Variants in TMEM98 observed in about 807,000 individuals in gnomAD.
The protein encoded by TMEM98 is transmembrane protein 98.
In TMEM98, 18 loss-of-function variants were observed where a neutral mutation model predicts 25.0. The ratio of observed to expected loss-of-function variants is 0.72; its 90% CI spans 0.50 to 1.07. The LOEUF is 1.07. TMEM98 is among the 50% of genes least tolerant of loss of function. The probability of loss-of-function intolerance (pLI) is 0.00; values close to 1 mark genes in which losing one functional copy is unlikely to be tolerated. For synonymous variants in TMEM98, 103 were observed against 112.4 expected (o/e 0.92, Z 0.53); for missense variants, 241 against 289.0 (o/e 0.83, Z 1.20).
chr17:32,935,747 GGGGTGGCCAGCTCTGT>G (rs371127656), intron 5 of TMEM98, among the ~76,000 whole-genome samples: 1 of 152,162 alleles, frequency 6.6e-6, no homozygotes, highest in African/African-American at 2.4e-5. Context: ...AGCAAGCTCT[GGGGTGGCCAGCTCTGT>G]GGGTGGGACC....
At chr17:32,932,051 T>C (rs2151111270) in intron 3 of TMEM98, among the ~76,000 whole-genome samples, 1 of 152,208 alleles carries the variant, frequency 6.6e-6, no homozygotes, top group East Asian at 1.9e-4. Context: ...CATTTGGTTT[T>C]GTGAAATCCC....
rs749146545 is a variant in TMEM98, at chr17:32,936,332, A to G, written c.298A>G (p.Ile100Val). 11 of 1,613,750 alleles carry G rather than the reference A, an allele frequency of 6.8e-6. No individual in the cohort carries two copies. Among genetic ancestry groups the G allele is most frequent in the Non-Finnish European group, 8.5e-6 (10 of 1,179,762 alleles). The part of the protein sequence containing the change: ...LMSHCIAILK[I>V]CHTLTEKLVA... ...ATCTCTCTCCTCCCTGCCGCATTAG[A>G]TTTGTCACACTCTGACAGAGAAGCT... Residue 100 changes from isoleucine to valine, a missense_variant and splice_region_variant, in exon 6 of 8, where the codon ATT becomes GTT. Ile to Val is a conservative substitution (Grantham distance 29). Coordinates refer to ENST00000579849, the MANE Select transcript of TMEM98 (RefSeq NM_015544.3).
rs937219646 is a variant in TMEM98 at position 32,931,574 on chromosome 17, T to A, written c.46T>A (p.Phe16Ile). ...TGCCATAGGTGTGCTGGCCACCATC[T>A]TTCTGGCTTCGTTTGCAGCCTTGGT... Reference protein sequence around the residue: ...IVAIGVLATIFLASFAALVLV... With the variant: ...IVAIGVLATIILASFAALVLV... The change falls in exon 3 of 8, where the codon TTT (phenylalanine) becomes ATT (isoleucine). Residue 16 changes from phenylalanine to isoleucine, a missense_variant. Phe to Ile is a conservative substitution (Grantham distance 21). Transcript: ENST00000579849. 1.2e-6 allele frequency: 2 copies of A among 1,605,008 alleles called. No homozygotes were observed. Among genetic ancestry groups the A allele is most frequent in the African/African-American group, 2.7e-5 (2 of 74,840 alleles).
rs746642948 is a variant in TMEM98, at chr17:32,942,121, T to C, written c.*1128T>C. On this transcript the variant is annotated 3_prime_UTR_variant, in exon 8 of 8. Coordinates refer to ENST00000579849, the MANE Select transcript of TMEM98 (RefSeq NM_015544.3). ...AGTGAAGATAGCACTATGAAGTAGT[T>C]TCCACATTAACAATAGCAATGACTT... The C allele has an allele frequency of 3.3e-5, 5 of 152,214 alleles. No homozygotes were observed. The highest frequency in any genetic ancestry group is 5.9e-5 in the Non-Finnish European group (4 of 68,042). 9.4% of individuals were successfully genotyped at this position (152,214 alleles called of 1,614,324 possible). A position where few individuals can be genotyped will look rare whatever the true frequency, so the allele number is the denominator to read the frequency against.
chr17:32,929,351 A>T (rs927758137), intron 1 of TMEM98, among the ~76,000 whole-genome samples: 8 of 152,290 alleles, frequency 5.3e-5, no homozygotes, highest in African/African-American at 1.9e-4. Context: ...AGAAACACTC[A>T]GAACGCACAG....
chr17:32,931,742 A>G (rs1201829522), intron 3 of TMEM98, 83 bp downstream of exon 3: 1 of 1,499,702 alleles, frequency 6.7e-7, no homozygotes, highest in East Asian at 2.4e-5. Context: ...AGTGTTGGGC[A>G]ACTCTAACTC....
At chr17:32,932,020 G>A (rs1433524760) in intron 3 of TMEM98, among the ~76,000 whole-genome samples, 1 of 151,792 alleles carries the variant, frequency 6.6e-6, no homozygotes, top group Non-Finnish European at 1.5e-5. Context: ...CCACACTCTG[G>A]CCATACATCT....
chr17:32,936,518 G>T (rs148436251), intron 6 of TMEM98, 71 bp downstream of exon 6: 6 of 1,287,124 alleles, frequency 4.7e-6, no homozygotes, highest in South Asian at 1.3e-5. Context: ...TGGGGTAGCC[G>T]CAGAGCTGGG....
At chr17:32,928,966 C>T (rs1162058506) in intron 1 of TMEM98, among the ~76,000 whole-genome samples, 7 of 149,726 alleles carry the variant, frequency 4.7e-5, no homozygotes, top group Non-Finnish European at 1.0e-4. Context: ...CACACACACT[C>T]AGAAACACAC....
chr17:32,933,289 T>G lies in TMEM98; in HGVS notation c.247T>G (p.Trp83Gly). 1 of 1,614,160 alleles carries G rather than the reference T, an allele frequency of 6.2e-7. No homozygotes were observed. Among genetic ancestry groups the G allele is most frequent in the Middle Eastern group, 1.6e-4 (1 of 6,062 alleles). Residue 83 changes from tryptophan (W) to glycine (G), a missense_variant, in exon 4 of 8, where the codon TGG becomes GGG. Coordinates refer to ENST00000579849, the MANE Select transcript of TMEM98 (RefSeq NM_015544.3). ...TGAGGCCATTCTGGAGAATGAAGAC[T>G]GGATCGAAGATGCCTCGTAAGGCCA... is the stretch of plus-strand genomic sequence containing the variant. ...HIEAILENED[W>G]IEDASGLMSH... is the part of the protein sequence containing the mutation.
rs2091539865 is a variant in TMEM98, at chr17:32,943,286, AGT to A, written c.*2295_*2296del. The A allele has an allele frequency of 6.6e-6, 1 of 152,296 alleles. No individual in the cohort carries two copies. The highest frequency in any genetic ancestry group is 2.4e-5 in the African/African-American group (1 of 41,436). 9.4% of individuals were successfully genotyped at this position (152,296 alleles called of 1,614,324 possible). Reference sequence around the variant, plus strand: ...TTTGGTGTTGGTGGCTGATGGTTGAAGTGGAAGCAGTCTTTGGGGTAGGAGGC... The same window carrying A: ...TTTGGTGTTGGTGGCTGATGGTTGAAGGAAGCAGTCTTTGGGGTAGGAGGC... On this transcript the variant is annotated 3_prime_UTR_variant, in exon 8 of 8. Coordinates refer to ENST00000579849, the MANE Select transcript of TMEM98 (RefSeq NM_015544.3).
rs2091533347 is a variant in TMEM98, at chr17:32,941,976, A to AG, written c.*985dup. On this transcript the variant is annotated 3_prime_UTR_variant, in exon 8 of 8. Transcript: ENST00000579849. Reference sequence around the variant, plus strand: ...AGGATCGCTTGAGCCCAGGAGGTGAAGGTTGCAGTGAGCCCTGATTGTGCC... The same window carrying AG: ...AGGATCGCTTGAGCCCAGGAGGTGAAGGGTTGCAGTGAGCCCTGATTGTGCC... 6.6e-6 allele frequency: 1 copy of AG among 152,222 alleles called. No individual in the cohort carries two copies. The highest frequency in any genetic ancestry group is 1.5e-5 in the Non-Finnish European group (1 of 68,090). The allele number at this position is 152,222 out of a possible 1,614,324, so 9.4% of individuals were successfully genotyped here. A position where few individuals can be genotyped will look rare whatever the true frequency, so the allele number is the denominator to read the frequency against.
chr17:32,931,604 G>GT lies in TMEM98; in HGVS notation c.79dup (p.Cys27LeufsTer16), dbSNP rs1200005382. The GT allele has an allele frequency of 6.2e-7, 1 of 1,604,490 alleles. No individual in the cohort carries two copies. The highest frequency in any genetic ancestry group is 1.3e-5 in the African/African-American group (1 of 74,858). On this transcript the variant is annotated frameshift_variant, in exon 3 of 8. Transcript: ENST00000579849. LOFTEE classifies it high-confidence loss of function. ...GGCTTCGTTTGCAGCCTTGGTGCTGGTTTGCAGGCAGCGCTACTGCCGGCC... is the reference window on the plus strand; with the variant it reads ...GGCTTCGTTTGCAGCCTTGGTGCTGGTTTTGCAGGCAGCGCTACTGCCGGCC...
At position 32,942,833 on chromosome 17, in the gene TMEM98, T is replaced by C. The variant is rs1311150435; in HGVS notation, c.*1840T>C. 1 of 152,200 alleles carries C rather than the reference T, an allele frequency of 6.6e-6. No homozygotes were observed. Among genetic ancestry groups the C allele is most frequent in the Non-Finnish European group, 1.5e-5 (1 of 68,040 alleles). 9.4% of individuals were successfully genotyped at this position (152,200 alleles called of 1,614,324 possible). On this transcript the variant is annotated 3_prime_UTR_variant, in exon 8 of 8. Coordinates refer to ENST00000579849, the MANE Select transcript of TMEM98 (RefSeq NM_015544.3). ...CCTCCACAGTAAACATCCAGAGTCA[T>C]CCTATTTTTGTCTTTTTACCTCCCT... is the stretch of plus-strand genomic sequence containing the variant.
In TMEM98 at chr17:32,931,349, C is replaced by T. The variant is rs114277652; in HGVS notation, c.-108C>T. 3,147 of 702,908 alleles carry T rather than the reference C, an allele frequency of 4.5e-3. 63 individuals are homozygous for T. In the African/African-American group the frequency reaches 0.045, roughly 10 times the overall value. The allele number at this position is 702,908 out of a possible 1,614,324, so 43.5% of individuals were successfully genotyped here. On this transcript the variant is annotated 5_prime_UTR_variant, in exon 2 of 8. Transcript: ENST00000579849. ...CAGGCCCTCAGGTCTCTGCAGGTGT[C>T]GTGGAGGAACCTAGCACCTGCCATC... is the stretch of plus-strand genomic sequence containing the variant.
intron 7 of TMEM98, 68 bp downstream of exon 7, chr17:32,939,604 TG>T (rs1281295190): frequency 3.2e-6 from 5 of 1,580,532 alleles, no homozygotes; most frequent in Non-Finnish European, 4.3e-6. Context: ...ATCAGATCTG[TG>T]AGGCTGGCTG....
chr17:32,939,495 G>T lies in TMEM98; in HGVS notation c.432G>T (p.Lys144Asn), dbSNP rs138518763. The change falls in exon 7 of 8, where the codon AAG becomes AAT. Residue 144 changes from lysine to asparagine, a missense_variant. Transcript: ENST00000579849. ...CGGTCAGGGTGGATGATGTTGTGAA[G>T]TCGATGTACCCTCCGTTGGACCCCA... ...RISPRVDDVV[K>N]SMYPPLDPKL... 3.4e-4 allele frequency: 547 copies of T among 1,614,094 alleles called. No individual in the cohort carries two copies. Among genetic ancestry groups the T allele is most frequent in the Middle Eastern group, 2.6e-3 (16 of 6,060 alleles).
chr17:32,940,688 G>A, intron 7 of TMEM98, 98 bp from the exon 8 acceptor site: 1 of 1,169,800 alleles, frequency 8.5e-7, no homozygotes, highest in Non-Finnish European at 1.2e-6. Context: ...AGGGTGTGCA[G>A]TTTGGGGAAT....
chr17:32,938,152 C>G (rs1461571498), intron 6 of TMEM98, among the ~76,000 whole-genome samples: 1 of 152,214 alleles, frequency 6.6e-6, no homozygotes, highest in Non-Finnish European at 1.5e-5. Flanking sequence ...GTACCTTGGA[C>G]TACTTCTAGA....
Sources: gnomAD v4.1 joint callset for allele counts (sites outside exome capture counted in the v4.1 genomes callset) on GRCh38, gnomAD v4.1.1 for gene constraint, MANE v1.5 for transcripts, NCBI Gene and HGNC (gene_info 2026-07-23, HGNC 2026-07-21) for gene names.